The following LTK variants were observed in gnomAD, a reference collection of about 807,000 sequenced individuals.
LTK encodes leukocyte tyrosine kinase receptor.
A neutral mutation model predicts 101.5 loss-of-function variants in LTK; 117 were observed. The ratio of observed to expected loss-of-function variants is 1.15; its 90% CI spans 0.99 to 1.34. LTK has a LOEUF of 1.34. LTK is among the 40% of genes most tolerant of loss of function. The probability of loss-of-function intolerance (pLI) is 0.00; values close to 1 mark genes in which losing one functional copy is unlikely to be tolerated. For synonymous variants in LTK, 563 were observed against 494.2 expected, an observed-to-expected ratio of 1.14 and a Z score of -1.85; for missense variants, 1,252 against 1,164.7, an observed-to-expected ratio of 1.07 and a Z score of -1.09.
In LTK at chr15:41,509,081, C is replaced by T; in HGVS notation, c.1046G>A (p.Gly349Glu). The part of the protein sequence containing the change: ...TDNLWADGED[G>E]VSFIHPSSEL... ...GCTGCTGGGGTGTATGAAGGATACT[C>T]CATCTTCCCCATCAGCCCAGAGGTT... The change falls in exon 8 of 20, where the codon GGA (glycine) becomes GAA (glutamate). Residue 349 changes from glycine (G) to glutamate (E), a missense_variant. Coordinates refer to ENST00000263800, the MANE Select transcript of LTK (RefSeq NM_002344.6). 1 of 1,613,850 alleles carries T rather than the reference C, an allele frequency of 6.2e-7. No individual in the cohort carries two copies. The highest frequency in any genetic ancestry group is 1.3e-5 in the African/African-American group (1 of 75,014).
chr15:41,505,686 C>T (rs749237065), intron 13 of LTK, 27 bp downstream of exon 13: 8 of 1,613,106 alleles, frequency 5.0e-6, no homozygotes, highest in African/African-American at 2.7e-5. Context: ...TCCCGCCTTC[C>T]AGCCCTGCCC....
Position 41,513,748 on chromosome 15 carries a change from C to T in LTK, c.-39G>A. Reference sequence around the variant, plus strand: ...ACCCGGCAACAAAAGCCCTTGCGGTCGCGGCCACACCCCTGTCAACCTAAA... The same window carrying T: ...ACCCGGCAACAAAAGCCCTTGCGGTTGCGGCCACACCCCTGTCAACCTAAA... On this transcript the variant is annotated 5_prime_UTR_variant, in exon 1 of 20. Coordinates refer to ENST00000263800, the MANE Select transcript of LTK (RefSeq NM_002344.6). The T allele has an allele frequency of 6.3e-7, 1 of 1,580,876 alleles. No individual in the cohort carries two copies. Among genetic ancestry groups the T allele is most frequent in the Non-Finnish European group, 8.7e-7 (1 of 1,150,316 alleles).
At chr15:41,509,544 T>TA (rs2051388984) in intron 7 of LTK, among the ~76,000 whole-genome samples, 2 of 152,194 alleles carry the variant, frequency 1.3e-5, no homozygotes, top group African/African-American at 4.8e-5. Context: ...CATTTCTTTT[T>TA]AAAAATTAAT....
At chr15:41,512,640 C>T (rs748076658) in intron 3 of LTK, 67 bp downstream of exon 3, 20 of 1,456,914 alleles carry the variant, frequency 1.4e-5, no homozygotes, top group Non-Finnish European at 1.8e-5. Context: ...ACGTGGACTT[C>T]GTTACCCTGA....
intron 11 of LTK, among the ~76,000 whole-genome samples, chr15:41,506,795 G>C (rs907335643): frequency 1.4e-4 from 21 of 152,234 alleles, no homozygotes; most frequent in African/African-American, 5.1e-4. Flanking sequence ...TCTCCATGTT[G>C]GTCAGGCTGG....
chr15:41,513,664 T>A lies in LTK; in HGVS notation c.43+3A>T, dbSNP rs553085765. The A allele has an allele frequency of 2.5e-5, 41 of 1,612,504 alleles. No individual in the cohort carries two copies. The Admixed American group carries it at 4.7e-4, about 18-fold the overall frequency. On this transcript the variant is annotated splice_donor_region_variant and intron_variant, in intron 1 of 19. Transcript: ENST00000263800. ...GGTCCCCTGACCGCCAGATAGCACTTACCCGCGGCTCCGAACCACACCAGC... is the reference window on the plus strand; with the variant it reads ...GGTCCCCTGACCGCCAGATAGCACTAACCCGCGGCTCCGAACCACACCAGC...
At position 41,504,487 on chromosome 15, in the gene LTK, CG is replaced by C. The variant is rs369649743; in HGVS notation, c.2255+18del. The C allele has an allele frequency of 4.1e-3, 6,545 of 1,613,464 alleles. 37 individuals carry two copies. Among genetic ancestry groups the C allele is most frequent in the South Asian group, 0.015 (1,372 of 91,038 alleles). On this transcript the variant is annotated intron_variant, in intron 18 of 19. Coordinates refer to ENST00000263800, the MANE Select transcript of LTK (RefSeq NM_002344.6). ...CATGGTTGTGAAGGACCTCCCTTCC[CG>C]GGCAGCACTCAACTCACACAGGCCC...
intron 11 of LTK, among the ~76,000 whole-genome samples, chr15:41,506,319 T>C (rs1235705293): frequency 6.6e-6 from 1 of 152,206 alleles, no homozygotes; most frequent in African/African-American, 2.4e-5. Flanking sequence ...TTTTTTTTCT[T>C]TTTTAAACGA....
rs745335258 is a variant in LTK, at chr15:41,505,783, G to A, written c.1633-6C>T. On this transcript the variant is annotated splice_polypyrimidine_tract_variant and splice_region_variant and intron_variant, in intron 12 of 19. Transcript: ENST00000263800. ...GAGCAGAGTTCTGGCAGGGTCTGGG[G>A]AGGAAAAGGGCACAGTTTCTGAGCT... The A allele has an allele frequency of 1.9e-6, 3 of 1,613,772 alleles. No individual in the cohort carries two copies. Among genetic ancestry groups the A allele is most frequent in the South Asian group, 2.2e-5 (2 of 91,038 alleles).
intron 7 of LTK, 148 bp from the exon 8 acceptor site, chr15:41,509,277 G>T (rs921926612): frequency 1.5e-4 from 99 of 681,864 alleles, no homozygotes; most frequent in Middle Eastern, 3.7e-4. Context: ...AGTGAAGGAG[G>T]TGAGGAGGGG....
Position 41,511,385 on chromosome 15 carries a change from G to C in LTK, c.814+37C>G. On this transcript the variant is annotated intron_variant, in intron 6 of 19. Transcript: ENST00000263800. This position sits in a 1 kb window ranked among gnomAD's most constrained non-coding sequence, Gnocchi z 5.9. Reference sequence around the variant, plus strand: ...GCAGGAAGGTTGGCAGCCACACGGGGAGCACGCCCGCCTCTCCCCGCGGCC... The same window carrying C: ...GCAGGAAGGTTGGCAGCCACACGGGCAGCACGCCCGCCTCTCCCCGCGGCC... The C allele has an allele frequency of 5.9e-6, 8 of 1,367,430 alleles. No homozygotes were observed. The highest frequency in any genetic ancestry group is 7.5e-6 in the Non-Finnish European group (8 of 1,068,962). The allele number at this position is 1,367,430 out of a possible 1,614,324, so 84.7% of individuals were successfully genotyped here. A position where few individuals can be genotyped will look rare whatever the true frequency, so the allele number is the denominator to read the frequency against.
chr15:41,506,432 G>A (rs538918614), intron 11 of LTK, among the ~76,000 whole-genome samples: 55 of 152,192 alleles, frequency 3.6e-4, no homozygotes, highest in South Asian at 2.3e-3. Flanking sequence ...AGTCTCCCGA[G>A]TAGCTGGGAC....
At position 41,505,291 on chromosome 15, in the gene LTK, A is replaced by C; in HGVS notation, c.1842T>G (p.Pro614=). The change falls in exon 15 of 20, where the codon CCT becomes CCG. Residue 614 remains proline, a synonymous_variant. Coordinates refer to ENST00000263800, the MANE Select transcript of LTK (RefSeq NM_002344.6). ...HSRPHLGQPS[P]LVMRDLLQLA... ...GTTGCAGCAGGTCCCGCATGACCAG[A>C]GGTGATGGCTGGCCCTGGGTCAGGC... 6.2e-7 allele frequency: 1 copy of C among 1,613,896 alleles called. No homozygotes were observed. Among genetic ancestry groups the C allele is most frequent in the Non-Finnish European group, 8.5e-7 (1 of 1,179,948 alleles).
chr15:41,505,117 CCTGAT>C, intron 15 of LTK, 53 bp from the exon 16 acceptor site: 1 of 1,585,480 alleles, frequency 6.3e-7, no homozygotes, highest in Non-Finnish European at 8.6e-7. Flanking sequence ...TCTTGCTCTT[CCTGAT>C]CTATTTCCTT....
At position 41,505,050 on chromosome 15, in the gene LTK, C is replaced by T. The variant is rs142613322; in HGVS notation, c.1940G>A (p.Arg647Gln). The T allele has an allele frequency of 3.1e-4, 495 of 1,613,008 alleles. No individual in the cohort carries two copies. The highest frequency in any genetic ancestry group is 6.7e-4 in the Admixed American group (40 of 59,846). ...TCCAGCGCAGCTCAGCAGGCAGTTC[C>T]GGGCGGCAATATCCCTACAGAGTAG... ...NHFIHRDIAA[R>Q]NCLLSCAGPS... Residue 647 changes from arginine (R) to glutamine (Q), a missense_variant, in exon 16 of 20, where the codon CGG (arginine) becomes CAG (glutamine). Arg to Gln is a conservative substitution (Grantham distance 43). Transcript: ENST00000263800.
At chr15:41,512,026 C>G in intron 4 of LTK, 63 bp from the exon 5 acceptor site, 3 of 1,467,270 alleles carry the variant, frequency 2.0e-6, no homozygotes, top group Non-Finnish European at 1.8e-6. Flanking sequence ...TGCTGGTGAC[C>G]CGGCACCGAG....
chr15:41,505,023 G>C lies in LTK; in HGVS notation c.1967C>G (p.Pro656Arg). The stretch of plus-strand genomic sequence containing the variant: ...GTCCCCAATCTTGGCCACTCGGCTG[G>C]GTCCAGCGCAGCTCAGCAGGCAGTT... Reference protein sequence around the residue: ...ARNCLLSCAGPSRVAKIGDFG... With the variant: ...ARNCLLSCAGRSRVAKIGDFG... Residue 656 changes from proline (P) to arginine (R), a missense_variant, in exon 16 of 20, where the codon CCC (proline) becomes CGC (arginine). Coordinates refer to ENST00000263800, the MANE Select transcript of LTK (RefSeq NM_002344.6). The C allele has an allele frequency of 1.9e-6, 3 of 1,613,564 alleles. No individual in the cohort carries two copies. The highest frequency in any genetic ancestry group is 2.2e-5 in the South Asian group (2 of 91,054).
chr15:41,505,397 T>C lies in LTK; in HGVS notation c.1827+4A>G. The C allele has an allele frequency of 5.0e-6, 8 of 1,613,900 alleles. No homozygotes were observed. The highest frequency in any genetic ancestry group is 6.8e-6 in the Non-Finnish European group (8 of 1,179,934). The stretch of plus-strand genomic sequence containing the variant: ...GCCTGGGGGGGCTAAGACAAGGGTC[T>C]CACCAGGTGTGGCCGACTGTGCCTC... On this transcript the variant is annotated splice_donor_region_variant and intron_variant, in intron 14 of 19. Coordinates refer to ENST00000263800, the MANE Select transcript of LTK (RefSeq NM_002344.6).
rs2051258102 is a variant in LTK, at chr15:41,505,774, G to A, written c.1636C>T (p.Leu546=). The A allele has an allele frequency of 1.9e-6, 3 of 1,613,790 alleles. No individual in the cohort carries two copies. The highest frequency in any genetic ancestry group is 2.5e-6 in the Non-Finnish European group (3 of 1,179,926). ...SSPLQVAIKT[L]PELCSPQDEL... ...TCCTGAGGCGAGCAGAGTTCTGGCA[G>A]GGTCTGGGGAGGAAAAGGGCACAGT... The change falls in exon 13 of 20, where the codon CTG becomes TTG. Residue 546 remains leucine, a synonymous_variant. Coordinates refer to ENST00000263800, the MANE Select transcript of LTK (RefSeq NM_002344.6).
Sources: gnomAD v4.1 joint callset for allele counts (sites outside exome capture counted in the v4.1 genomes callset) on GRCh38, gnomAD v4.1.1 for gene constraint, Gnocchi (gnomAD v3.1) non-coding constraint, MANE v1.5 for transcripts, NCBI Gene and HGNC (gene_info 2026-07-23, HGNC 2026-07-21) for gene names.